The following SDK2 variants were observed in gnomAD, a reference collection of about 807,000 sequenced individuals.
SDK2 encodes the protein protein sidekick-2.
SDK2 carries 105 observed loss-of-function variants against 253.9 expected under a neutral mutation model. The observed-to-expected ratio is 0.41, with a 90% confidence interval of 0.35 to 0.49. The LOEUF is 0.49. SDK2 is among the 20% of genes least tolerant of loss of function. The pLI is 0.06. For synonymous variants in SDK2, 1,249 were observed against 1,234.9 expected (o/e 1.01, Z -0.24); for missense variants, 2,608 against 3,003.0 (o/e 0.87, Z 3.07).
intron 3 of SDK2, among the ~76,000 whole-genome samples, chr17:73,460,043 C>T (rs1003758288): frequency 6.6e-6 from 1 of 152,156 alleles, no homozygotes; most frequent in Admixed American, 6.5e-5. Flanking sequence ...ACAGATGGGG[C>T]ACAGGTCAAT....
At chr17:73,571,304 T>C (rs993927031) in intron 1 of SDK2, among the ~76,000 whole-genome samples, 6 of 152,100 alleles carry the variant, frequency 3.9e-5, no homozygotes, top group Non-Finnish European at 8.8e-5. Context: ...GCCCCAGGCA[T>C]GGTGGGCTGT....
intron 1 of SDK2, among the ~76,000 whole-genome samples, chr17:73,537,763 G>A (rs1045510011): frequency 2.0e-5 from 3 of 152,154 alleles, no homozygotes; most frequent in Non-Finnish European, 2.9e-5. Context: ...TGCATCTCCC[G>A]GCTGCATAGA....
At chr17:73,404,930 G>GC (rs1470143049) in intron 18 of SDK2, among the ~76,000 whole-genome samples, 1 of 151,894 alleles carries the variant, frequency 6.6e-6, no homozygotes, top group Non-Finnish European at 1.5e-5. Context: ...CTTGCAGCTG[G>GC]CACACTTGAA....
At chr17:73,488,214 C>T (rs913792223) in intron 2 of SDK2, among the ~76,000 whole-genome samples, 10 of 152,116 alleles carry the variant, frequency 6.6e-5, no homozygotes, top group Non-Finnish European at 1.3e-4. Flanking sequence ...GACGGGGTTT[C>T]ACCGTGTTAG....
At chr17:73,604,144 G>C (rs1182208359) in intron 1 of SDK2, among the ~76,000 whole-genome samples, 2 of 152,240 alleles carry the variant, frequency 1.3e-5, no homozygotes, top group Non-Finnish European at 2.9e-5. Flanking sequence ...GGCGAGGCTA[G>C]GAGTGGTTTC....
At chr17:73,532,132 G>A (rs2064173947) in intron 1 of SDK2, among the ~76,000 whole-genome samples, 1 of 152,204 alleles carries the variant, frequency 6.6e-6, no homozygotes, top group African/African-American at 2.4e-5. Flanking sequence ...ACAACTGGAG[G>A]GAGGGGGATG....
intron 18 of SDK2, among the ~76,000 whole-genome samples, chr17:73,406,070 A>G (rs1234624970): frequency 1.3e-5 from 2 of 151,988 alleles, no homozygotes; most frequent in African/African-American, 4.8e-5. Context: ...GTAATACATA[A>G]CACAATATAA....
intron 18 of SDK2, among the ~76,000 whole-genome samples, chr17:73,407,296 G>A (rs2063087006): frequency 6.6e-6 from 1 of 152,142 alleles, no homozygotes; most frequent in African/African-American, 2.4e-5. Flanking sequence ...CAAATTGCAA[G>A]GAAGCTATCA....
chr17:73,421,391 G>A (rs957687821), intron 15 of SDK2, among the ~76,000 whole-genome samples: 6 of 152,166 alleles, frequency 3.9e-5, no homozygotes, highest in Admixed American at 2.6e-4. Flanking sequence ...AGAGCCAAGT[G>A]CAAGGCTTTG....
chr17:73,580,326 C>T (rs1253874742), intron 1 of SDK2, among the ~76,000 whole-genome samples: 1 of 152,272 alleles, frequency 6.6e-6, no homozygotes. Flanking sequence ...CCCACAGATG[C>T]TCTGAGGACA....
chr17:73,594,980 TC>T (rs2045735004), intron 1 of SDK2, among the ~76,000 whole-genome samples: 1 of 152,004 alleles, frequency 6.6e-6, no homozygotes, highest in South Asian at 2.1e-4. Context: ...CCTGCTTCAC[TC>T]CCCCAGCCCT....
intron 1 of SDK2, among the ~76,000 whole-genome samples, chr17:73,593,679 A>T (rs2045715680): frequency 6.6e-6 from 1 of 152,332 alleles, no homozygotes; most frequent in South Asian, 2.1e-4. Flanking sequence ...GGGGTTTCTG[A>T]CATGCAGTAA....
At chr17:73,515,805 A>C (rs1283953210) in intron 1 of SDK2, among the ~76,000 whole-genome samples, 1 of 152,164 alleles carries the variant, frequency 6.6e-6, no homozygotes, top group Non-Finnish European at 1.5e-5. Flanking sequence ...CATGCTAACT[A>C]GAGTTTGACC....
chr17:73,490,861 T>C (rs2063801547), intron 2 of SDK2, among the ~76,000 whole-genome samples: 1 of 152,078 alleles, frequency 6.6e-6, no homozygotes, highest in African/African-American at 2.4e-5. Context: ...CATGTGATAA[T>C]GCATTTACTC....
chr17:73,546,689 G>A (rs2044970869), intron 1 of SDK2, among the ~76,000 whole-genome samples: 2 of 152,232 alleles, frequency 1.3e-5, no homozygotes, highest in South Asian at 4.1e-4. Flanking sequence ...TCCTGTCTCT[G>A]GGTCTTGGGG....
At chr17:73,476,502 A>C (rs2063686916) in intron 2 of SDK2, among the ~76,000 whole-genome samples, 1 of 152,266 alleles carries the variant, frequency 6.6e-6, no homozygotes, top group African/African-American at 2.4e-5. Context: ...CATTGTGCAC[A>C]TAATTTAAGC....
chr17:73,356,030 C>T lies in SDK2; in HGVS notation c.5593+2049G>A, dbSNP rs537789316. Among the ~76,000 whole-genome samples the T allele has an allele frequency of 3.3e-5, 5 of 152,294 alleles. No homozygotes were observed. The South Asian group carries it at 8.3e-4, about 25-fold the overall frequency. On this transcript the variant is annotated intron_variant, in intron 40 of 44. Transcript: ENST00000392650. ...TTCCTTTTCAAATCCACAGCAATGG[C>T]GAGAGGGATGAACTACTGTCCCCAT...
intron 1 of SDK2, among the ~76,000 whole-genome samples, chr17:73,572,379 G>A (rs771192542): frequency 3.2e-4 from 48 of 151,952 alleles, no homozygotes; most frequent in Admixed American, 4.6e-4. Flanking sequence ...CCTGCACCAC[G>A]CACTGTTTTC....
intron 1 of SDK2, among the ~76,000 whole-genome samples, chr17:73,594,361 C>T (rs1300303042): frequency 6.6e-6 from 1 of 152,136 alleles, no homozygotes; most frequent in Admixed American, 6.5e-5. Context: ...GGTCTCAAGC[C>T]CTTCTCCTGA....
Sources: gnomAD v4.1 joint callset for allele counts (sites outside exome capture counted in the v4.1 genomes callset) on GRCh38, gnomAD v4.1.1 for gene constraint, MANE v1.5 for transcripts, NCBI Gene and HGNC (gene_info 2026-07-23, HGNC 2026-07-21) for gene names.